Variants in PRKCB observed in about 807,000 individuals in gnomAD.
The protein encoded by PRKCB is protein kinase C beta.
PRKCB carries 13 observed loss-of-function variants against 81.5 expected under a neutral mutation model. That is an observed-to-expected ratio of 0.16 (90% confidence interval 0.10 to 0.25). The LOEUF is 0.25. Among genes scored for constraint, PRKCB ranks in the 10% least tolerant of loss-of-function variants. The pLI is 1.00. For synonymous variants in PRKCB, 335 were observed against 321.4 expected, an observed-to-expected ratio of 1.04 and a Z score of -0.45; for missense variants, 509 against 875.7, an observed-to-expected ratio of 0.58 and a Z score of 5.29.
chr16:24,115,014 G>A (rs1299685694), intron 8 of PRKCB, among the ~76,000 whole-genome samples: 3 of 152,158 alleles, frequency 2.0e-5, no homozygotes, highest in Non-Finnish European at 2.9e-5. Flanking sequence ...AGGGGAAAAT[G>A]TATTCTGTTC....
chr16:23,967,950 G>A (rs549143102), intron 2 of PRKCB, among the ~76,000 whole-genome samples: 3 of 152,280 alleles, frequency 2.0e-5, no homozygotes, highest in East Asian at 3.9e-4. Context: ...CCACTGCGCC[G>A]GGCCTTTTAT....
chr16:23,873,182 A>G (rs948987831), intron 2 of PRKCB, among the ~76,000 whole-genome samples: 6 of 91,952 alleles, frequency 6.5e-5, no homozygotes, highest in Middle Eastern at 4.6e-3. Flanking sequence ...ACACACACAC[A>G]CACACACAAA....
intron 2 of PRKCB, among the ~76,000 whole-genome samples, chr16:23,854,449 G>A (rs1962528166): frequency 6.6e-6 from 1 of 152,166 alleles, no homozygotes; most frequent in African/African-American, 2.4e-5. Flanking sequence ...GATCTGGGCA[G>A]GGATTGGCTG....
At chr16:24,192,966 T>C (rs572864644) in intron 16 of PRKCB, among the ~76,000 whole-genome samples, 1 of 151,854 alleles carries the variant, frequency 6.6e-6, no homozygotes, top group Non-Finnish European at 1.5e-5. Context: ...TCTCCTTTTT[T>C]TTCTTTTTTT....
intron 12 of PRKCB, 43 bp downstream of exon 12, chr16:24,174,623 A>G (rs1415635847): frequency 4.0e-6 from 6 of 1,516,834 alleles, no homozygotes; most frequent in Non-Finnish European, 5.5e-6. Flanking sequence ...CATCTCCCTC[A>G]GCTCCTCCCT....
chr16:24,103,863 C>T (rs449412), intron 7 of PRKCB, among the ~76,000 whole-genome samples: 97,524 of 152,024 alleles, frequency 0.64, 31,608 homozygotes, highest in African/African-American at 0.73. Context: ...TGGAGTGCAA[C>T]GCCGCGATCT....
In PRKCB at chr16:24,124,708, C is replaced by T. The variant is rs186570107; in HGVS notation, c.1065+727C>T. 1.8e-4 allele frequency among the ~76,000 whole-genome samples: 28 copies of T among 152,192 alleles called. No individual in the cohort carries two copies. In the East Asian group the frequency reaches 4.4e-3, roughly 24 times the overall value. ...TGTTTTGGGGTTTTTAGTCTCTTTG[C>T]GTGCCACAAAGATGTCTAGCATAAA... On this transcript the variant is annotated intron_variant, in intron 9 of 16. Coordinates refer to ENST00000643927, the MANE Select transcript of PRKCB (RefSeq NM_002738.7).
intron 2 of PRKCB, among the ~76,000 whole-genome samples, chr16:23,958,688 T>C (rs1364314310): frequency 1.4e-5 from 1 of 72,936 alleles, no homozygotes; most frequent in East Asian, 1.5e-3. Flanking sequence ...TGTTATTTCT[T>C]CTTCTTCTCC....
At chr16:23,990,581 G>C (rs1340057050) in intron 3 of PRKCB, among the ~76,000 whole-genome samples, 1 of 143,340 alleles carries the variant, frequency 7.0e-6, no homozygotes, top group African/African-American at 2.6e-5. Context: ...ATCTTGCTCT[G>C]TTGCCCAGGC....
At chr16:23,865,213 C>T (rs1161124756) in intron 2 of PRKCB, among the ~76,000 whole-genome samples, 1 of 151,890 alleles carries the variant, frequency 6.6e-6, no homozygotes, top group African/African-American at 2.4e-5. Flanking sequence ...CACACAACCT[C>T]ACAAGATTGA....
intron 2 of PRKCB, among the ~76,000 whole-genome samples, chr16:23,950,137 T>TTTG (rs1567323511): frequency 1.0e-4 from 14 of 138,104 alleles, no homozygotes; most frequent in Non-Finnish European, 9.3e-5. Flanking sequence ...TTTGAATTTT[T>TTTG]TTTTTTTTTT....
intron 2 of PRKCB, among the ~76,000 whole-genome samples, chr16:23,890,568 G>T (rs1255403699): frequency 6.6e-6 from 1 of 152,152 alleles, no homozygotes; most frequent in Non-Finnish European, 1.5e-5. Context: ...TTTCATCTTT[G>T]TGACTCCCAG....
chr16:24,089,393 C>A (rs1966347500), intron 5 of PRKCB, among the ~76,000 whole-genome samples: 1 of 151,980 alleles, frequency 6.6e-6, no homozygotes, highest in South Asian at 2.1e-4. Flanking sequence ...GAGTAAACAT[C>A]GAATGCATTG....
chr16:24,161,010 C>T (rs1026453614), intron 10 of PRKCB, among the ~76,000 whole-genome samples: 5 of 151,558 alleles, frequency 3.3e-5, no homozygotes, highest in Non-Finnish European at 5.9e-5. Flanking sequence ...AATCAGCTAC[C>T]TTTAAAAAAA....
At chr16:24,180,961 G>A (rs746567303) in intron 13 of PRKCB, 33 bp downstream of exon 13, 10 of 1,609,638 alleles carry the variant, frequency 6.2e-6, no homozygotes, top group Non-Finnish European at 6.8e-6. Context: ...TCACATTGCG[G>A]TGATGTACCC....
chr16:23,969,260 A>G (rs1036459114), intron 2 of PRKCB, among the ~76,000 whole-genome samples: 6 of 152,094 alleles, frequency 3.9e-5, no homozygotes, highest in Non-Finnish European at 7.4e-5. Context: ...TTTAAAGTGA[A>G]TGTGTAGTGG....
At chr16:23,890,966 G>GA (rs968483015) in intron 2 of PRKCB, among the ~76,000 whole-genome samples, 2 of 151,652 alleles carry the variant, frequency 1.3e-5, no homozygotes, top group African/African-American at 4.9e-5. Context: ...ATGCCTAGGG[G>GA]AAAAAACTGA....
chr16:24,100,803 C>T (rs1966497155), intron 7 of PRKCB, among the ~76,000 whole-genome samples: 1 of 152,200 alleles, frequency 6.6e-6, no homozygotes, highest in South Asian at 2.1e-4. Context: ...TTACTCAAAT[C>T]AGCCTCCTCC....
intron 3 of PRKCB, among the ~76,000 whole-genome samples, chr16:23,997,618 T>C (rs558772299): frequency 6.6e-6 from 1 of 152,230 alleles, no homozygotes; most frequent in African/African-American, 2.4e-5. Flanking sequence ...CAAATATCTT[T>C]GTTTTCTTTG....
Sources: gnomAD v4.1 joint callset for allele counts (sites outside exome capture counted in the v4.1 genomes callset) on GRCh38, gnomAD v4.1.1 for gene constraint, MANE v1.5 for transcripts, NCBI Gene and HGNC (gene_info 2026-07-23, HGNC 2026-07-21) for gene names.